SIK2: variants seen among roughly 807,000 people sequenced by gnomAD.
SIK2 encodes serine/threonine-protein kinase SIK2.
In SIK2, 29 loss-of-function variants were observed where a neutral mutation model predicts 103.2. That is an observed-to-expected ratio of 0.28 (90% CI 0.21 to 0.38). The LOEUF (loss-of-function observed/expected upper bound fraction) is 0.38, where lower values mean the gene tolerates loss of function less well. Among genes scored for constraint, SIK2 ranks in the 10% least tolerant of loss-of-function variants. The pLI, the probability that SIK2 is intolerant of heterozygous loss-of-function variation, is 1.00. For missense variants in SIK2, 879 were observed against 1,171.0 expected (o/e 0.75, Z 3.64); for synonymous variants, 412 against 446.1 (o/e 0.92, Z 0.96).
At chr11:111,697,402 CG>C (rs1297513749) in intron 4 of SIK2, among the ~76,000 whole-genome samples, 9 of 152,034 alleles carry the variant, frequency 5.9e-5, no homozygotes, top group Non-Finnish European at 1.3e-4. Context: ...TCCCTGCTCC[CG>C]AGGAACTTAG....
At chr11:111,644,141 T>C (rs1244732561) in intron 3 of SIK2, among the ~76,000 whole-genome samples, 2 of 151,110 alleles carry the variant, frequency 1.3e-5, no homozygotes, top group Non-Finnish European at 3.0e-5. Context: ...CAAAAAAAAT[T>C]AGCCGGGCAT....
chr11:111,721,958 C>CTCATCCAGAATCTGCTCATCCA lies in SIK2; in HGVS notation c.2055+18_2055+19insTCATCCAGAATCTGCTCATCCA. 6.5e-7 allele frequency: 1 copy of CTCATCCAGAATCTGCTCATCCA among 1,534,706 alleles called. No individual in the cohort carries two copies. ...GACTCCAGGTGGGTCCTTCTCCTTG[C>CTCATCCAGAATCTGCTCATCCA]GAGTCCACCTCACTCTGCTCATCCA... is the stretch of plus-strand genomic sequence containing the variant. On this transcript the variant is annotated intron_variant, in intron 13 of 14. Coordinates refer to ENST00000304987, the MANE Select transcript of SIK2 (RefSeq NM_015191.3).
chr11:111,704,049 T>G (rs1360390990), intron 7 of SIK2, among the ~76,000 whole-genome samples: 1 of 152,180 alleles, frequency 6.6e-6, no homozygotes, highest in Non-Finnish European at 1.5e-5. Flanking sequence ...GGAAGAAACA[T>G]AACAAGAAAG....
At chr11:111,723,110 C>G (rs970938807) in intron 14 of SIK2, among the ~76,000 whole-genome samples, 2 of 152,162 alleles carry the variant, frequency 1.3e-5, no homozygotes, top group African/African-American at 4.8e-5. Flanking sequence ...CCCACAGCCT[C>G]GCTAGTAGAA....
intron 7 of SIK2, among the ~76,000 whole-genome samples, chr11:111,703,624 A>T (rs1340574227): frequency 1.3e-5 from 2 of 152,264 alleles, no homozygotes; most frequent in Admixed American, 6.5e-5. Context: ...CCCATCTGCC[A>T]AAACATTCAA....
intron 11 of SIK2, 37 bp downstream of exon 11, chr11:111,720,799 C>A: frequency 6.4e-7 from 1 of 1,570,598 alleles, no homozygotes. Context: ...AAACTCGCGT[C>A]GTAGGAGAGC....
intron 3 of SIK2, among the ~76,000 whole-genome samples, chr11:111,627,299 G>A (rs1463945833): frequency 1.3e-5 from 2 of 151,928 alleles, no homozygotes; most frequent in Non-Finnish European, 2.9e-5. Context: ...GACTTTCAGC[G>A]GTTTCACTTA....
In SIK2 at chr11:111,728,632, G is replaced by A. The variant is rs897066408; in HGVS notation, c.*4503G>A. 6.7e-6 allele frequency: 1 copy of A among 150,126 alleles called. No individual in the cohort carries two copies. Among genetic ancestry groups the A allele is most frequent in the Non-Finnish European group, 1.5e-5 (1 of 67,678 alleles). The allele number at this position is 150,126 out of a possible 1,614,324, so 9.3% of individuals were successfully genotyped here. A position where few individuals can be genotyped will look rare whatever the true frequency, so the allele number is the denominator to read the frequency against. On this transcript the variant is annotated 3_prime_UTR_variant, in exon 15 of 15. Coordinates refer to ENST00000304987, the MANE Select transcript of SIK2 (RefSeq NM_015191.3). ...CTTATCTTCAGAGCAATGTATGAAA[G>A]ACAAGAGCAGTATCAGCCGGGCGCG...
intron 3 of SIK2, among the ~76,000 whole-genome samples, chr11:111,646,352 A>C (rs1942257337): frequency 6.6e-6 from 1 of 151,946 alleles, no homozygotes; most frequent in Non-Finnish European, 1.5e-5. Flanking sequence ...GGGAGGCTGA[A>C]GCAGGAGAAT....
intron 9 of SIK2, among the ~76,000 whole-genome samples, chr11:111,715,793 C>CTTTTTTTTTTTTTTTTTTTTTTTTTTTTT: frequency 1.2e-5 from 1 of 81,580 alleles, no homozygotes; most frequent in Non-Finnish European, 2.2e-5. Flanking sequence ...TCATTTTTAG[C>CTTTTTTTTTTTTTTTTTTTTTTTTTTTTT]TTTTTTTTTT....
At chr11:111,677,586 A>ATTTTTTTTTTTTTTTT in intron 3 of SIK2, among the ~76,000 whole-genome samples, 1 of 110,938 alleles carries the variant, frequency 9.0e-6, no homozygotes, top group Non-Finnish European at 1.7e-5. Flanking sequence ...CCCAGCTAAA[A>ATTTTTTTTTTTTTTTT]TTTTTTTTTT....
At chr11:111,624,454 A>C (rs493865) in intron 3 of SIK2, among the ~76,000 whole-genome samples, 87,812 of 152,128 alleles carry the variant, frequency 0.58, 29,309 homozygotes, top group East Asian at 0.96. Context: ...ATTAATTGTT[A>C]ACATTACTTT....
chr11:111,678,715 T>C (rs1391787076), intron 3 of SIK2, among the ~76,000 whole-genome samples: 1 of 152,240 alleles, frequency 6.6e-6, no homozygotes. Context: ...ATGTACATTT[T>C]ATGTTGTAAG....
chr11:111,719,341 T>C (rs567694533), intron 9 of SIK2, among the ~76,000 whole-genome samples: 27 of 135,986 alleles, frequency 2.0e-4, no homozygotes, highest in Non-Finnish European at 3.5e-4. Context: ...AATAGAAGAA[T>C]CTTGGTGACT....
At chr11:111,717,681 T>C (rs1376694718) in intron 9 of SIK2, among the ~76,000 whole-genome samples, 1 of 152,110 alleles carries the variant, frequency 6.6e-6, no homozygotes, top group Non-Finnish European at 1.5e-5. Flanking sequence ...AGCAAAGACA[T>C]GGAATCAACC....
intron 3 of SIK2, among the ~76,000 whole-genome samples, chr11:111,667,628 A>T (rs1299081291): frequency 6.6e-6 from 1 of 151,088 alleles, no homozygotes; most frequent in African/African-American, 2.4e-5. Flanking sequence ...TGTAGTTGGG[A>T]TTACAGGCAT....
Position 111,728,398 on chromosome 11 carries a change from C to T in SIK2, c.*4269C>T, listed in dbSNP as rs1944049282. 6.6e-6 allele frequency: 1 copy of T among 152,284 alleles called. No homozygotes were observed. Among genetic ancestry groups the T allele is most frequent in the Non-Finnish European group, 1.5e-5 (1 of 68,206 alleles). 9.4% of individuals were successfully genotyped at this position (152,284 alleles called of 1,614,324 possible). A position where few individuals can be genotyped will look rare whatever the true frequency, so the allele number is the denominator to read the frequency against. On this transcript the variant is annotated 3_prime_UTR_variant, in exon 15 of 15. Coordinates refer to ENST00000304987, the MANE Select transcript of SIK2 (RefSeq NM_015191.3). ...CCACCTCCTGGGTTCAAGCCATTCT[C>T]CTGCCTCAGCCTCCCAAGTAGCTGG...
intron 3 of SIK2, among the ~76,000 whole-genome samples, chr11:111,641,671 A>C (rs1413241101): frequency 6.6e-6 from 1 of 152,152 alleles, no homozygotes; most frequent in African/African-American, 2.4e-5. Context: ...TTTCCTGTGC[A>C]CAGATTTTCA....
chr11:111,723,964 C>T lies in SIK2; in HGVS notation c.2616C>T (p.Ala872=). ...PTPCQYPVDG[A]QQSDLTGPDC... The stretch of plus-strand genomic sequence containing the variant: ...CCTGTCAGTATCCTGTGGATGGAGC[C>T]CAGCAGAGCGACCTAACGGGGCCAG... The change falls in exon 15 of 15, where the codon GCC becomes GCT. Residue 872 remains alanine, a synonymous_variant. Coordinates refer to ENST00000304987, the MANE Select transcript of SIK2 (RefSeq NM_015191.3). 1 of 1,614,140 alleles carries T rather than the reference C, an allele frequency of 6.2e-7. No homozygotes were observed. The highest frequency in any genetic ancestry group is 8.5e-7 in the Non-Finnish European group (1 of 1,180,006).
Sources: allele counts gnomAD v4.1 joint callset (sites outside exome capture counted in the v4.1 genomes callset), GRCh38; gene constraint gnomAD v4.1.1; transcripts MANE v1.5; gene names NCBI Gene and HGNC (gene_info 2026-07-23, HGNC 2026-07-21).